The following NRXN3 variants were observed in gnomAD, a reference collection of about 807,000 sequenced individuals.
The protein encoded by NRXN3 is neurexin III.
In NRXN3, 32 loss-of-function variants were observed where a neutral mutation model predicts 137.6. The observed-to-expected ratio is 0.23, with a 90% CI of 0.18 to 0.31. The LOEUF (loss-of-function observed/expected upper bound fraction) is 0.31. Among genes scored for constraint, NRXN3 ranks in the 10% least tolerant of loss-of-function variants. The pLI is 1.00. For missense variants in NRXN3, 1,574 were observed against 2,062.5 expected (o/e 0.76, Z 4.59); for synonymous variants, 798 against 784.5 (o/e 1.02, Z -0.29).
intron 15 of NRXN3, among the ~76,000 whole-genome samples, chr14:79,150,656 A>G (rs2059716477): frequency 6.6e-6 from 1 of 151,924 alleles, no homozygotes; most frequent in African/African-American, 2.4e-5. Context: ...CACATAAGCT[A>G]AAAATAAGAG....
rs140461265 is a variant in NRXN3, at chr14:79,368,505, T to A, written c.3263-98716T>A. 3.2e-3 allele frequency among the ~76,000 whole-genome samples: 487 copies of A among 152,336 alleles called. 5 individuals carry two copies. Among genetic ancestry groups the A allele is most frequent in the Middle Eastern group, 3.4e-3 (1 of 294 alleles). The stretch of plus-strand genomic sequence containing the variant: ...TTATCTCATTGTTTAAGTGCCATAA[T>A]TGTACAAAGCATGCTGTTCTGAGTT... On this transcript the variant is annotated intron_variant, in intron 15 of 20. Transcript: ENST00000335750.
chr14:79,495,642 G>A (rs2096759135), intron 16 of NRXN3, among the ~76,000 whole-genome samples: 1 of 152,154 alleles, frequency 6.6e-6, no homozygotes, highest in Non-Finnish European at 1.5e-5. Context: ...ACAACCCTGT[G>A]ATGTAGGACT....
intron 15 of NRXN3, among the ~76,000 whole-genome samples, chr14:78,995,518 AT>A (rs2099528223): frequency 6.6e-6 from 1 of 152,192 alleles, no homozygotes; most frequent in Non-Finnish European, 1.5e-5. Context: ...AAGTGCAGAT[AT>A]TTTGTAGGTC....
intron 16 of NRXN3, among the ~76,000 whole-genome samples, chr14:79,517,896 C>CTTTTTTTT (rs34241975): frequency 6.8e-5 from 5 of 73,362 alleles, no homozygotes; most frequent in Non-Finnish European, 1.2e-4. Flanking sequence ...CCTGACTTTC[C>CTTTTTTTT]TTTTTTTTTT....
intron 15 of NRXN3, among the ~76,000 whole-genome samples, chr14:79,080,606 C>T (rs1320074366): frequency 2.6e-5 from 4 of 152,094 alleles, no homozygotes; most frequent in Non-Finnish European, 5.9e-5. Flanking sequence ...TCTCCTTTGT[C>T]GTTATATGTT....
chr14:79,804,105 T>A (rs776794404), intron 19 of NRXN3, among the ~76,000 whole-genome samples: 1 of 151,816 alleles, frequency 6.6e-6, no homozygotes, highest in East Asian at 1.9e-4. Flanking sequence ...CAGACTTTAG[T>A]ACATTTGGGA....
chr14:79,014,726 C>G (rs922927034), intron 15 of NRXN3, among the ~76,000 whole-genome samples: 7 of 152,176 alleles, frequency 4.6e-5, no homozygotes, highest in African/African-American at 1.7e-4. Context: ...TAAGAAAATA[C>G]TCTGGCTTGT....
At chr14:78,488,454 G>A (rs939773957) in intron 4 of NRXN3, among the ~76,000 whole-genome samples, 25 of 152,064 alleles carry the variant, frequency 1.6e-4, no homozygotes, top group Admixed American at 9.2e-4. Context: ...AGGTATAGTC[G>A]TAACATCCTA....
At chr14:78,583,059 G>A (rs2097019629) in intron 4 of NRXN3, among the ~76,000 whole-genome samples, 1 of 152,082 alleles carries the variant, frequency 6.6e-6, no homozygotes, top group Non-Finnish European at 1.5e-5. Flanking sequence ...GTTCTCATTA[G>A]GGCCTCTGGG....
intron 15 of NRXN3, among the ~76,000 whole-genome samples, chr14:79,086,076 C>A (rs1470152979): frequency 1.3e-5 from 2 of 152,126 alleles, no homozygotes; most frequent in Non-Finnish European, 2.9e-5. Flanking sequence ...TTTTTAAAGA[C>A]CAGTCTCATG....
At chr14:79,127,645 A>T (rs539904752) in intron 15 of NRXN3, among the ~76,000 whole-genome samples, 1 of 152,102 alleles carries the variant, frequency 6.6e-6, no homozygotes, top group Admixed American at 6.6e-5. Context: ...CTTAGGATTG[A>T]CTTGGCGATG....
At chr14:79,174,401 G>A (rs1257308735) in intron 15 of NRXN3, among the ~76,000 whole-genome samples, 2 of 151,634 alleles carry the variant, frequency 1.3e-5, no homozygotes, top group Non-Finnish European at 2.9e-5. Context: ...TTAAAAGTGT[G>A]GTAACTCCTA....
intron 4 of NRXN3, among the ~76,000 whole-genome samples, chr14:78,531,830 T>C (rs2096465562): frequency 6.6e-6 from 1 of 152,214 alleles, no homozygotes; most frequent in African/African-American, 2.4e-5. Context: ...ATTTTATGCT[T>C]CTTTTCTAGG....
intron 15 of NRXN3, among the ~76,000 whole-genome samples, chr14:79,034,389 A>G (rs549143101): frequency 9.2e-4 from 70 of 76,446 alleles, no homozygotes; most frequent in African/African-American, 3.8e-3. Flanking sequence ...GGTTTTTTGG[A>G]AAAAAAACAT....
chr14:79,449,926 G>A (rs527263130), intron 15 of NRXN3, among the ~76,000 whole-genome samples: 10 of 145,120 alleles, frequency 6.9e-5, no homozygotes, highest in African/African-American at 2.5e-4. Context: ...GGGAGGTGGA[G>A]GTTGCAGTGA....
chr14:78,460,724 TCTGAGATTCTATCC>T (rs2094898481), intron 4 of NRXN3, among the ~76,000 whole-genome samples: 1 of 152,166 alleles, frequency 6.6e-6, no homozygotes, highest in South Asian at 2.1e-4. Flanking sequence ...ATGGATTAGG[TCTGAGATTCTATCC>T]CTGTTGGGTC....
intron 15 of NRXN3, among the ~76,000 whole-genome samples, chr14:79,079,786 G>A (rs576576125): frequency 6.6e-6 from 1 of 152,116 alleles, no homozygotes; most frequent in African/African-American, 2.4e-5. Flanking sequence ...TCAGGAGTTC[G>A]AGACCAGTCT....
At chr14:79,323,234 C>T (rs1056918688) in intron 15 of NRXN3, among the ~76,000 whole-genome samples, 1 of 152,102 alleles carries the variant, frequency 6.6e-6, no homozygotes, top group Non-Finnish European at 1.5e-5. Flanking sequence ...TAGCAACAAG[C>T]TCTCACTATG....
In NRXN3 at chr14:78,518,446, T is replaced by A. The variant is rs530621476; in HGVS notation, c.758-126674T>A. On this transcript the variant is annotated intron_variant, in intron 4 of 20. Transcript: ENST00000335750. ...GAGGTGATCAGAAAGTGTGCCTAAT[T>A]TGACTTTTGCTCCATATGTGACATA... Among the ~76,000 whole-genome samples, 37 of 152,194 alleles carry A rather than the reference T, an allele frequency of 2.4e-4. No homozygotes were observed. In the South Asian group the frequency reaches 5.8e-3, roughly 24 times the overall value.
Sources: allele counts gnomAD v4.1 joint callset (sites outside exome capture counted in the v4.1 genomes callset), GRCh38; gene constraint gnomAD v4.1.1; transcripts MANE v1.5; gene names NCBI Gene and HGNC (gene_info 2026-07-23, HGNC 2026-07-21).